Variants in COL21A1 observed in about 807,000 individuals in gnomAD.
COL21A1 encodes the protein collagen alpha-1(XXI) chain.
COL21A1 carries 149 observed loss-of-function variants against 137.9 expected under a neutral mutation model. That is an observed-to-expected ratio of 1.08 (90% CI 0.95 to 1.24). COL21A1 has a LOEUF of 1.24. Ranked by LOEUF, COL21A1 falls within the 50% of genes most tolerant of loss-of-function variation. The pLI, the probability that COL21A1 is intolerant of heterozygous loss-of-function variation, is 0.00. For missense variants in COL21A1, 1,167 were observed against 1,158.4 expected (o/e 1.01, Z -0.11); for synonymous variants, 456 against 391.5 (o/e 1.16, Z -1.95).
chr6:56,311,358 G>A (rs559305825), intron 1 of COL21A1, among the ~76,000 whole-genome samples: 9 of 152,294 alleles, frequency 5.9e-5, no homozygotes, highest in South Asian at 4.1e-4. Flanking sequence ...AGAGTCACTC[G>A]GGCTCAGGCA....
At chr6:56,213,975 CA>C (rs756488110) in intron 1 of COL21A1, among the ~76,000 whole-genome samples, 9 of 151,992 alleles carry the variant, frequency 5.9e-5, no homozygotes, top group Non-Finnish European at 8.8e-5. Context: ...ACAAAAATAA[CA>C]AAAACACAAA....
chr6:56,059,343 T>C, intron 28 of COL21A1, 101 bp from the exon 29 acceptor site: 1 of 700,322 alleles, frequency 1.4e-6, no homozygotes, highest in Non-Finnish European at 2.2e-6. Context: ...AAAATGTCTT[T>C]TAAAAACCAG....
At chr6:56,278,295 G>C (rs546053296) in intron 1 of COL21A1, among the ~76,000 whole-genome samples, 2 of 152,322 alleles carry the variant, frequency 1.3e-5, no homozygotes, top group East Asian at 3.9e-4. Context: ...CTGCCTGGGG[G>C]TTACACTTAA....
chr6:56,127,946 A>T (rs10948975), intron 12 of COL21A1, among the ~76,000 whole-genome samples: 1 of 151,960 alleles, frequency 6.6e-6, no homozygotes, highest in Non-Finnish European at 1.5e-5. Flanking sequence ...CATGCCCATA[A>T]ACGTGGACAT....
chr6:56,227,001 A>G (rs775721434), intron 1 of COL21A1, among the ~76,000 whole-genome samples: 1 of 151,992 alleles, frequency 6.6e-6, no homozygotes, highest in Non-Finnish European at 1.5e-5. Context: ...TTCCAAACTT[A>G]AAATGGTGCC....
intron 1 of COL21A1, among the ~76,000 whole-genome samples, chr6:56,325,522 TATATATTATATATA>T (rs1208370894): frequency 2.0e-3 from 1 of 496 alleles, no homozygotes; most frequent in Non-Finnish European, 0.015. Context: ...TATTATATAT[TATATATTATATATA>T]AATATATAAT....
chr6:56,131,616 T>C (rs1008909195), intron 12 of COL21A1, among the ~76,000 whole-genome samples: 1 of 152,022 alleles, frequency 6.6e-6, no homozygotes, highest in African/African-American at 2.4e-5. Context: ...CTGGACAGTG[T>C]GACGCATGAA....
At chr6:56,275,293 T>C (rs959792050) in intron 1 of COL21A1, among the ~76,000 whole-genome samples, 2 of 152,128 alleles carry the variant, frequency 1.3e-5, no homozygotes, top group Admixed American at 6.6e-5. Flanking sequence ...CTTCTCTACA[T>C]TGCCCTTGAC....
chr6:56,099,049 A>G (rs1372161220), intron 17 of COL21A1, among the ~76,000 whole-genome samples: 2 of 150,776 alleles, frequency 1.3e-5, no homozygotes, highest in African/African-American at 4.9e-5. Flanking sequence ...TTTAGGTTTT[A>G]TGAAGATATT....
chr6:56,120,445 G>C (rs555376575), intron 16 of COL21A1, among the ~76,000 whole-genome samples: 1 of 152,270 alleles, frequency 6.6e-6, no homozygotes, highest in African/African-American at 2.4e-5. Context: ...GTACACTGTT[G>C]GTGGGAATGT....
chr6:56,116,628 T>C (rs1428624258), intron 16 of COL21A1, among the ~76,000 whole-genome samples: 3 of 151,946 alleles, frequency 2.0e-5, no homozygotes, highest in African/African-American at 4.8e-5. Context: ...TTACTGGTAA[T>C]AATAAGCACA....
At chr6:56,152,764 T>G (rs906216055) in intron 10 of COL21A1, among the ~76,000 whole-genome samples, 1 of 152,156 alleles carries the variant, frequency 6.6e-6, no homozygotes, top group Non-Finnish European at 1.5e-5. Context: ...CAGGATTTTT[T>G]TATCACTAAA....
At chr6:56,270,262 T>A (rs1342896998) in intron 1 of COL21A1, among the ~76,000 whole-genome samples, 1 of 152,220 alleles carries the variant, frequency 6.6e-6, no homozygotes, top group Non-Finnish European at 1.5e-5. Context: ...GAGCAGAGAT[T>A]GCTATTCTTA....
At chr6:56,332,961 A>T (rs575457894) in intron 1 of COL21A1, among the ~76,000 whole-genome samples, 2 of 151,924 alleles carry the variant, frequency 1.3e-5, no homozygotes, top group East Asian at 3.9e-4. Flanking sequence ...CCAACTTGTC[A>T]TTTTTCATTT....
At chr6:56,277,260 C>T (rs1055972614) in intron 1 of COL21A1, among the ~76,000 whole-genome samples, 6 of 152,080 alleles carry the variant, frequency 3.9e-5, no homozygotes, top group Admixed American at 6.5e-5. Context: ...TCGTCATTTA[C>T]ATTAGGTATA....
chr6:56,170,924 C>A (rs1026573559), intron 4 of COL21A1, 36 bp downstream of exon 4: 3 of 1,589,450 alleles, frequency 1.9e-6, no homozygotes, highest in Non-Finnish European at 2.6e-6. Flanking sequence ...ACAGACATAT[C>A]CCCCCAAAAA....
At chr6:56,157,047 G>T in intron 9 of COL21A1, 98 bp from the exon 10 acceptor site, 14 of 675,092 alleles carry the variant, frequency 2.1e-5, no homozygotes, top group South Asian at 1.1e-4. Context: ...ATTATTTGAG[G>T]TTTTTTGTAT....
At chr6:56,392,198 AAATC>A (rs1439608817) in intron 1 of COL21A1, among the ~76,000 whole-genome samples, 1 of 152,170 alleles carries the variant, frequency 6.6e-6, no homozygotes, top group East Asian at 1.9e-4. Context: ...CAACATACAC[AAATC>A]AATCAATGTG....
At chr6:56,235,836 T>A (rs1781865524) in intron 1 of COL21A1, among the ~76,000 whole-genome samples, 1 of 151,522 alleles carries the variant, frequency 6.6e-6, no homozygotes, top group Non-Finnish European at 1.5e-5. Flanking sequence ...AAAAAAAAAA[T>A]CTTAACTGAA....
Sources: gnomAD v4.1 joint callset for allele counts (sites outside exome capture counted in the v4.1 genomes callset) on GRCh38, gnomAD v4.1.1 for gene constraint, MANE v1.5 for transcripts, NCBI Gene and HGNC (gene_info 2026-07-23, HGNC 2026-07-21) for gene names.